Variants in USP8 observed in about 807,000 individuals in gnomAD.
USP8 encodes the protein ubiquitin carboxyl-terminal hydrolase 8.
A neutral mutation model predicts 130.0 loss-of-function variants in USP8; 27 were observed. The observed-to-expected ratio is 0.21, with a 90% CI of 0.15 to 0.29. The LOEUF (loss-of-function observed/expected upper bound fraction) is 0.29, where lower values mean the gene tolerates loss of function less well. Among genes scored for constraint, USP8 ranks in the 10% least tolerant of loss-of-function variants. The probability of loss-of-function intolerance (pLI) is 1.00; values close to 1 mark genes in which losing one functional copy is unlikely to be tolerated. For missense variants in USP8, 1,029 were observed against 1,312.2 expected, an observed-to-expected ratio of 0.78 and a Z score of 3.33; for synonymous variants, 392 against 444.1, an observed-to-expected ratio of 0.88 and a Z score of 1.48.
chr15:50,453,383 T>A (rs910813127), intron 4 of USP8, among the ~76,000 whole-genome samples: 1 of 152,264 alleles, frequency 6.6e-6, no homozygotes, highest in Non-Finnish European at 1.5e-5. Flanking sequence ...TTTTCTAATT[T>A]CCCTTTCTTC....
rs536873546 is a variant in USP8, at chr15:50,513,412, A to C, written c.*14324A>C. 3.3e-5 allele frequency: 5 copies of C among 151,972 alleles called. No homozygotes were observed. The highest frequency in any genetic ancestry group is 7.4e-5 in the Non-Finnish European group (5 of 68,002). The allele number at this position is 151,972 out of a possible 1,614,324, so 9.4% of individuals were successfully genotyped here. ...ATATATCTTTAAAATATTTAATGAAAAAGTATGCTTGGCGCGGTAGCTCAC... is the reference window on the plus strand; with the variant it reads ...ATATATCTTTAAAATATTTAATGAACAAGTATGCTTGGCGCGGTAGCTCAC... On this transcript the variant is annotated 3_prime_UTR_variant, in exon 20 of 20. Coordinates refer to ENST00000307179, the MANE Select transcript of USP8 (RefSeq NM_005154.5).
At position 50,479,887 on chromosome 15, in the gene USP8, T is replaced by C. The variant is rs1423140467; in HGVS notation, c.1219-1594T>C. On this transcript the variant is annotated intron_variant, in intron 10 of 19. Transcript: ENST00000307179. ...AATCCTCCCACCTCAGCCTCCTGAG[T>C]AGCTGGGATTATAGGCACATGCCAC... Among the ~76,000 whole-genome samples, 10 of 151,954 alleles carry C rather than the reference T, an allele frequency of 6.6e-5. No individual in the cohort carries two copies. In the East Asian group the frequency reaches 1.5e-3, roughly 23 times the overall value.
chr15:50,429,802 A>C (rs920891938), intron 1 of USP8, among the ~76,000 whole-genome samples: 1 of 152,242 alleles, frequency 6.6e-6, no homozygotes, highest in Admixed American at 6.5e-5. Context: ...TGATTCTAAC[A>C]TACAGCTGGG....
intron 1 of USP8, among the ~76,000 whole-genome samples, chr15:50,429,107 T>C (rs557599321): frequency 1.3e-5 from 2 of 152,312 alleles, no homozygotes; most frequent in East Asian, 3.9e-4. Context: ...TTTAATATTC[T>C]TGGACTGTGG....
intron 1 of USP8, among the ~76,000 whole-genome samples, chr15:50,436,748 C>T (rs1477114922): frequency 6.6e-6 from 1 of 152,110 alleles, no homozygotes; most frequent in East Asian, 1.9e-4. Flanking sequence ...CAGCTCACTG[C>T]AACCTCCACC....
At chr15:50,476,787 G>T in intron 8 of USP8, 62 bp from the exon 9 acceptor site, 3 of 1,464,114 alleles carry the variant, frequency 2.0e-6, no homozygotes, top group Non-Finnish European at 1.8e-6. Flanking sequence ...ATTTAGATTT[G>T]TTGTGTTTTT....
At chr15:50,443,989 G>C (rs1425545125) in intron 3 of USP8, among the ~76,000 whole-genome samples, 1 of 151,802 alleles carries the variant, frequency 6.6e-6, no homozygotes. Flanking sequence ...AAGTGGAATT[G>C]CTTAAAACGC....
intron 12 of USP8, among the ~76,000 whole-genome samples, chr15:50,486,309 C>T (rs1361640193): frequency 1.3e-5 from 2 of 151,618 alleles, no homozygotes; most frequent in Non-Finnish European, 2.9e-5. Flanking sequence ...CATGGCAAAA[C>T]CCTGTCTCTA....
intron 18 of USP8, chr15:50,498,197 A>G (rs1566894885): frequency 6.3e-6 from 1 of 159,256 alleles, no homozygotes; most frequent in East Asian, 1.8e-4. Flanking sequence ...GTAGTCTCCT[A>G]CTCTCAATTT....
intron 4 of USP8, among the ~76,000 whole-genome samples, chr15:50,451,268 G>A (rs570515547): frequency 1.0e-3 from 153 of 152,220 alleles, no homozygotes; most frequent in Middle Eastern, 3.4e-3. Flanking sequence ...AAAGTTAGCC[G>A]GGTGGGGTGG....
At chr15:50,462,375 A>G in intron 6 of USP8, 53 bp downstream of exon 6, 1 of 1,489,244 alleles carries the variant, frequency 6.7e-7, no homozygotes, top group Non-Finnish European at 9.1e-7. Flanking sequence ...GAGATCTTTT[A>G]ATCAGAATAA....
At chr15:50,494,366 T>C (rs2141323358) in intron 16 of USP8, 86 bp downstream of exon 16, 9 of 1,155,286 alleles carry the variant, frequency 7.8e-6, no homozygotes, top group Non-Finnish European at 1.1e-5. Flanking sequence ...AAAATTCTAG[T>C]TGGTGATAGT....
intron 1 of USP8, among the ~76,000 whole-genome samples, chr15:50,429,571 C>T (rs11637111): frequency 0.14 from 21,186 of 152,146 alleles, 1,976 homozygotes; most frequent in Middle Eastern, 0.28. Context: ...GAGGTTGGCT[C>T]ATGCCTGTAA....
intron 12 of USP8, among the ~76,000 whole-genome samples, chr15:50,485,078 T>C (rs980352305): frequency 1.3e-5 from 2 of 152,340 alleles, no homozygotes; most frequent in Non-Finnish European, 2.9e-5. Context: ...ATATACTTAG[T>C]ATCACTAACC....
Position 50,424,509 on chromosome 15 carries a change from G to T in USP8, c.-71G>T. On this transcript the variant is annotated 5_prime_UTR_variant, in exon 1 of 20. Coordinates refer to ENST00000307179, the MANE Select transcript of USP8 (RefSeq NM_005154.5). ...CTGGCGTTAGTGAAGCGCGCCCGGC[G>T]TCACGGTGAGTGCGGGTCTTGGGCC... is the stretch of plus-strand genomic sequence containing the variant. 5.0e-6 allele frequency: 2 copies of T among 398,724 alleles called. No homozygotes were observed. The highest frequency in any genetic ancestry group is 8.8e-5 in the Admixed American group (2 of 22,746). The allele number at this position is 398,724 out of a possible 1,614,324, so 24.7% of individuals were successfully genotyped here.
intron 16 of USP8, among the ~76,000 whole-genome samples, chr15:50,495,490 G>GC (rs1201952840): frequency 6.7e-6 from 1 of 149,188 alleles, no homozygotes; most frequent in South Asian, 2.2e-4. Context: ...GATTGGAGGG[G>GC]GGGGTCTCAC....
intron 5 of USP8, among the ~76,000 whole-genome samples, chr15:50,461,618 G>T (rs1390362109): frequency 6.6e-6 from 1 of 152,158 alleles, no homozygotes; most frequent in Non-Finnish European, 1.5e-5. Flanking sequence ...ACTTTGGGAG[G>T]CTGAGGCAGG....
chr15:50,445,625 G>A (rs1299754412), intron 3 of USP8, among the ~76,000 whole-genome samples: 1 of 147,652 alleles, frequency 6.8e-6, no homozygotes, highest in Non-Finnish European at 1.5e-5. Context: ...GCAGAGGCAG[G>A]TGGATCACAA....
rs558927698 is a variant in USP8, at chr15:50,512,016, T to A, written c.*12928T>A. On this transcript the variant is annotated 3_prime_UTR_variant, in exon 20 of 20. Transcript: ENST00000307179. ...GTCTCAAAAAATAAAATAAATAAAA[T>A]TTTAAAAATACGCAGAATAGGCACA... 1.1e-4 allele frequency: 17 copies of A among 151,664 alleles called. No individual in the cohort carries two copies. Among genetic ancestry groups the A allele is most frequent in the African/African-American group, 3.6e-4 (15 of 41,314 alleles). 9.4% of individuals were successfully genotyped at this position (151,664 alleles called of 1,614,324 possible). A position where few individuals can be genotyped will look rare whatever the true frequency, so the allele number is the denominator to read the frequency against.
Sources: allele counts gnomAD v4.1 joint callset (sites outside exome capture counted in the v4.1 genomes callset), GRCh38; gene constraint gnomAD v4.1.1; transcripts MANE v1.5; gene names NCBI Gene and HGNC (gene_info 2026-07-23, HGNC 2026-07-21).